Variants in SH3GL2 observed in about 807,000 individuals in gnomAD.
SH3GL2 encodes the protein SH3 domain containing GRB2 like 2, endophilin A1, also known as endophilin-A1.
A neutral mutation model predicts 46.0 loss-of-function variants in SH3GL2; 24 were observed. That is an observed-to-expected ratio of 0.52 (90% CI 0.38 to 0.73). The LOEUF is 0.73. SH3GL2 is among the 30% of genes least tolerant of loss of function. The pLI is 0.00. For synonymous variants in SH3GL2, 196 were observed against 147.1 expected, an observed-to-expected ratio of 1.33 and a Z score of -2.40; for missense variants, 413 against 424.2, an observed-to-expected ratio of 0.97 and a Z score of 0.23.
chr9:17,729,312 A>AT (rs960687556), intron 1 of SH3GL2, among the ~76,000 whole-genome samples: 28 of 132,096 alleles, frequency 2.1e-4, no homozygotes, highest in African/African-American at 7.3e-4. Context: ...TTTGATGGGG[A>AT]TTTTTTTTTC....
At chr9:17,761,585 T>C (rs748907379) in intron 3 of SH3GL2, 76 bp downstream of exon 3, 1 of 949,260 alleles carries the variant, frequency 1.1e-6, no homozygotes, top group South Asian at 1.3e-5. Context: ...ATTTTAAGTT[T>C]GGTGTGTTTC....
intron 1 of SH3GL2, among the ~76,000 whole-genome samples, chr9:17,689,382 C>G (rs999663404): frequency 9.2e-5 from 14 of 152,064 alleles, no homozygotes; most frequent in Admixed American, 7.9e-4. Flanking sequence ...AGAAGCAAAT[C>G]TGAATAAACT....
intron 1 of SH3GL2, chr9:17,590,810 CTG>C (rs1818468348): frequency 6.6e-6 from 1 of 152,222 alleles, no homozygotes; most frequent in South Asian, 2.1e-4. Flanking sequence ...GGGTCTCACT[CTG>C]TCGCAGTGGC....
At chr9:17,677,083 T>C (rs1453947943) in intron 1 of SH3GL2, among the ~76,000 whole-genome samples, 1 of 152,160 alleles carries the variant, frequency 6.6e-6, no homozygotes. Flanking sequence ...CTGCAGTCAC[T>C]CCTGTGGACT....
At position 17,607,784 on chromosome 9, in the gene SH3GL2, T is replaced by C. The variant is rs1055214737; in HGVS notation, c.45+28497T>C. ...CAAGAGCTTGTCCTTTTTGATTGTG[T>C]TTTGTTTCATCCGTAGCAGAATTGC... On this transcript the variant is annotated intron_variant, in intron 1 of 8. Coordinates refer to ENST00000380607, the MANE Select transcript of SH3GL2 (RefSeq NM_003026.5). 1.1e-4 allele frequency among the ~76,000 whole-genome samples: 17 copies of C among 152,198 alleles called. No individual in the cohort carries two copies. In the East Asian group the frequency reaches 2.3e-3, roughly 21 times the overall value.
chr9:17,708,837 A>C (rs1293605603), intron 1 of SH3GL2, among the ~76,000 whole-genome samples: 1 of 152,018 alleles, frequency 6.6e-6, no homozygotes, highest in Non-Finnish European at 1.5e-5. Context: ...TTTGAAGTGC[A>C]TTTGAGACTC....
At chr9:17,628,414 GTGTGTGTGTGTGTGTGTGTGTGTGTGT>G (rs1563788944) in intron 1 of SH3GL2, among the ~76,000 whole-genome samples, 694 of 35,132 alleles carry the variant, frequency 0.02, 6 homozygotes, top group African/African-American at 0.048. Flanking sequence ...TATCTTGGGT[GTGTGTGTGTGTGTGTGTGTGTGTGTGT>G]GTGTGTGTGT....
intron 1 of SH3GL2, among the ~76,000 whole-genome samples, chr9:17,662,770 C>G (rs1308797905): frequency 6.9e-6 from 1 of 144,552 alleles, no homozygotes; most frequent in Non-Finnish European, 1.5e-5. Context: ...AGTGCAGTGG[C>G]ACGACCTCAG....
At position 17,795,251 on chromosome 9, in the gene SH3GL2, T is replaced by C. The variant is rs112507455; in HGVS notation, c.860-293T>C. Reference sequence around the variant, plus strand: ...CACGAAGGCAAACTATAATGAACTGTGTTGTATGTATCACAAGAATAGATG... The same window carrying C: ...CACGAAGGCAAACTATAATGAACTGCGTTGTATGTATCACAAGAATAGATG... On this transcript the variant is annotated intron_variant, in intron 8 of 8. Transcript: ENST00000380607. 1.1e-3 allele frequency among the ~76,000 whole-genome samples: 174 copies of C among 152,338 alleles called. 3 individuals are homozygous for C. Among genetic ancestry groups the C allele is most frequent in the African/African-American group, 3.0e-3 (123 of 41,570 alleles).
intron 1 of SH3GL2, among the ~76,000 whole-genome samples, chr9:17,699,178 C>T (rs905244512): frequency 1.6e-5 from 2 of 128,494 alleles, no homozygotes; most frequent in Admixed American, 7.8e-5. Flanking sequence ...AAAAAAAAAT[C>T]AAATACAGAA....
intron 1 of SH3GL2, among the ~76,000 whole-genome samples, chr9:17,720,522 A>G (rs548756916): frequency 2.6e-5 from 4 of 152,186 alleles, no homozygotes; most frequent in East Asian, 1.9e-4. Context: ...TTATTTGGAC[A>G]TGGTTTGAAC....
At position 17,645,844 on chromosome 9, in the gene SH3GL2, T is replaced by C. The variant is rs552993014; in HGVS notation, c.45+66557T>C. On this transcript the variant is annotated intron_variant, in intron 1 of 8. Coordinates refer to ENST00000380607, the MANE Select transcript of SH3GL2 (RefSeq NM_003026.5). The stretch of plus-strand genomic sequence containing the variant: ...TCAACCTTGGTGAATCTGACGATTA[T>C]GTGTCTTGGGGTTGCTCTTCTTGAG... Among the ~76,000 whole-genome samples, 426 of 152,236 alleles carry C rather than the reference T, an allele frequency of 2.8e-3. 3 individuals carry two copies. The highest frequency in any genetic ancestry group is 0.01 in the African/African-American group (417 of 41,546).
In SH3GL2 at chr9:17,796,024, G is replaced by A. The variant is rs1184242817; in HGVS notation, c.*281G>A. The A allele has an allele frequency of 1.0e-5, 4 of 386,244 alleles. No individual in the cohort carries two copies. Among genetic ancestry groups the A allele is most frequent in the East Asian group, 3.9e-5 (1 of 25,630 alleles). 23.9% of individuals were successfully genotyped at this position (386,244 alleles called of 1,614,324 possible). A position where few individuals can be genotyped will look rare whatever the true frequency, so the allele number is the denominator to read the frequency against. On this transcript the variant is annotated 3_prime_UTR_variant, in exon 9 of 9. Coordinates refer to ENST00000380607, the MANE Select transcript of SH3GL2 (RefSeq NM_003026.5). ...TTTACACAGTTCTCAGGAGGCTGTG[G>A]TTTCTTAGAATATGACCATGAGCCA...
At chr9:17,785,455 T>C (rs554275285) in intron 3 of SH3GL2, among the ~76,000 whole-genome samples, 48 of 152,300 alleles carry the variant, frequency 3.2e-4, no homozygotes, top group Non-Finnish European at 5.7e-4. Flanking sequence ...AAAAGCCTTG[T>C]GAAATAAATG....
At chr9:17,654,090 C>T (rs1029465271) in intron 1 of SH3GL2, among the ~76,000 whole-genome samples, 9 of 152,128 alleles carry the variant, frequency 5.9e-5, no homozygotes, top group African/African-American at 2.4e-5. Flanking sequence ...TGTCAAGACA[C>T]GGAGAGAGCT....
chr9:17,704,001 A>T (rs2118222994), intron 1 of SH3GL2, among the ~76,000 whole-genome samples: 1 of 152,150 alleles, frequency 6.6e-6, no homozygotes, highest in East Asian at 1.9e-4. Context: ...AAGTCAAACT[A>T]TCTGTCTTTG....
intron 1 of SH3GL2, among the ~76,000 whole-genome samples, chr9:17,712,145 TTTCTC>T (rs1240780668): frequency 6.6e-6 from 1 of 151,836 alleles, no homozygotes; most frequent in African/African-American, 2.4e-5. Flanking sequence ...CTGTTCCTCA[TTTCTC>T]TATTGGGTGA....
intron 3 of SH3GL2, among the ~76,000 whole-genome samples, chr9:17,783,722 A>G (rs1412522796): frequency 6.6e-6 from 1 of 152,090 alleles, no homozygotes; most frequent in Admixed American, 6.6e-5. Context: ...TGGTCATCCT[A>G]ATTTTGCTTC....
chr9:17,582,849 C>T (rs748765019), intron 1 of SH3GL2, among the ~76,000 whole-genome samples: 112 of 152,160 alleles, frequency 7.4e-4, no homozygotes, highest in Admixed American at 1.3e-3. Flanking sequence ...TTTGGGCTTC[C>T]TTGGCTTGTA....
Sources: allele counts gnomAD v4.1 joint callset (sites outside exome capture counted in the v4.1 genomes callset), GRCh38; gene constraint gnomAD v4.1.1; transcripts MANE v1.5; gene names NCBI Gene and HGNC (gene_info 2026-07-23, HGNC 2026-07-21).